TMTC2: variants seen among roughly 807,000 people sequenced by gnomAD.
TMTC2 encodes the protein transmembrane O-mannosyltransferase targeting cadherins 2.
A neutral mutation model predicts 82.4 loss-of-function variants in TMTC2; 43 were observed. That is an observed-to-expected ratio of 0.52 (90% CI 0.41 to 0.67). The LOEUF is 0.67. Among genes scored for constraint, TMTC2 ranks in the 30% least tolerant of loss-of-function variants. The pLI is 0.00. For missense variants in TMTC2, 919 were observed against 1,012.4 expected (o/e 0.91, Z 1.25); for synonymous variants, 408 against 381.9 (o/e 1.07, Z -0.80).
intron 2 of TMTC2, among the ~76,000 whole-genome samples, chr12:82,889,169 C>T (rs773686992): frequency 1.5e-4 from 23 of 150,856 alleles, no homozygotes; most frequent in Non-Finnish European, 2.5e-4. Context: ...CCCAGCTACT[C>T]GAGAGGCTGA....
At position 82,977,947 on chromosome 12, in the gene TMTC2, T is replaced by A. The variant is rs368229253; in HGVS notation, c.1949-7978T>A. Among the ~76,000 whole-genome samples the A allele has an allele frequency of 9.2e-5, 14 of 151,846 alleles. No individual in the cohort carries two copies. The South Asian group carries it at 2.3e-3, about 25-fold the overall frequency. Reference sequence around the variant, plus strand: ...AACAAAACACTGGAAGGAACCTAGATGCTTAAAACTAGCAAAATATTTTAC... The same window carrying A: ...AACAAAACACTGGAAGGAACCTAGAAGCTTAAAACTAGCAAAATATTTTAC... On this transcript the variant is annotated intron_variant, in intron 7 of 11. Transcript: ENST00000321196.
At chr12:82,747,370 G>A (rs1875745254) in intron 1 of TMTC2, among the ~76,000 whole-genome samples, 1 of 152,190 alleles carries the variant, frequency 6.6e-6, no homozygotes, top group Non-Finnish European at 1.5e-5. Context: ...GATCTGGCTA[G>A]TGGCAGAGCT....
chr12:82,858,099 G>A lies in TMTC2; in HGVS notation c.654+519G>A, dbSNP rs562047935. On this transcript the variant is annotated intron_variant, in intron 2 of 11. Transcript: ENST00000321196. ...TCATACTCACCTTTTTCTCGTGATAGTGCATAAGAATAGAAAAGTCAAAAC... is the reference window on the plus strand; with the variant it reads ...TCATACTCACCTTTTTCTCGTGATAATGCATAAGAATAGAAAAGTCAAAAC... 2.0e-5 allele frequency among the ~76,000 whole-genome samples: 3 copies of A among 152,282 alleles called. No homozygotes were observed. The East Asian group carries it at 5.8e-4, about 29-fold the overall frequency.
chr12:82,794,252 C>G (rs1429076349), intron 1 of TMTC2, among the ~76,000 whole-genome samples: 2 of 152,120 alleles, frequency 1.3e-5, no homozygotes, highest in Admixed American at 1.3e-4. Context: ...TCCCCTCATC[C>G]TTTGTCCTTC....
chr12:82,914,817 ATTT>A (rs71068958), intron 3 of TMTC2, among the ~76,000 whole-genome samples: 7,807 of 85,800 alleles, frequency 0.091, 274 homozygotes, highest in African/African-American at 0.26. Context: ...CAACTCACTT[ATTT>A]TTTTTTTTTT....
intron 7 of TMTC2, among the ~76,000 whole-genome samples, chr12:82,976,278 T>C (rs1878669933): frequency 6.6e-6 from 1 of 152,180 alleles, no homozygotes; most frequent in African/African-American, 2.4e-5. Flanking sequence ...CTTCTGGCTT[T>C]TTTTCAAGTT....
At chr12:82,987,869 G>T (rs1879227736) in intron 8 of TMTC2, among the ~76,000 whole-genome samples, 1 of 152,076 alleles carries the variant, frequency 6.6e-6, no homozygotes, top group South Asian at 2.1e-4. Context: ...GGATCTGGAT[G>T]GGGAGTGAAC....
At chr12:82,831,047 G>A (rs887881852) in intron 1 of TMTC2, among the ~76,000 whole-genome samples, 6 of 152,148 alleles carry the variant, frequency 3.9e-5, no homozygotes, top group African/African-American at 1.4e-4. Flanking sequence ...GAGAAAACAT[G>A]GTTGAAATAA....
At chr12:82,997,221 C>CTCTCTCTCTCTCTCTCTATA (rs1451262969) in intron 8 of TMTC2, among the ~76,000 whole-genome samples, 3 of 118,548 alleles carry the variant, frequency 2.5e-5, no homozygotes, top group African/African-American at 1.1e-4. Context: ...CTCTCTCTCT[C>CTCTCTCTCTCTCTCTCTATA]TATATATATA....
chr12:82,954,045 CTATT>C (rs1877485160), intron 4 of TMTC2, among the ~76,000 whole-genome samples: 1 of 152,084 alleles, frequency 6.6e-6, no homozygotes, highest in South Asian at 2.1e-4. Context: ...AATAGCCAGA[CTATT>C]TATTACTGAA....
At chr12:82,699,730 T>G (rs2136896783) in intron 1 of TMTC2, among the ~76,000 whole-genome samples, 1 of 152,216 alleles carries the variant, frequency 6.6e-6, no homozygotes. Flanking sequence ...AAAAAATGTC[T>G]TTCAGAGTTT....
chr12:82,843,167 A>C (rs1165324515), intron 1 of TMTC2, among the ~76,000 whole-genome samples: 1 of 151,918 alleles, frequency 6.6e-6, no homozygotes, highest in Non-Finnish European at 1.5e-5. Flanking sequence ...GCTCACTGCA[A>C]TCTCTGCCTC....
At chr12:83,013,859 T>G (rs967259262) in intron 8 of TMTC2, among the ~76,000 whole-genome samples, 3 of 152,190 alleles carry the variant, frequency 2.0e-5, no homozygotes, top group African/African-American at 7.2e-5. Context: ...GAAGAGACAG[T>G]GGACCTTTTG....
intron 7 of TMTC2, among the ~76,000 whole-genome samples, chr12:82,971,747 G>C (rs1878454560): frequency 6.6e-6 from 1 of 151,244 alleles, no homozygotes; most frequent in African/African-American, 2.4e-5. Context: ...GAGTAAGAGA[G>C]AGCCTAGGGT....
At chr12:83,062,062 C>G (rs552796284) in intron 11 of TMTC2, among the ~76,000 whole-genome samples, 1 of 151,776 alleles carries the variant, frequency 6.6e-6, no homozygotes. Context: ...TTGCTGTCTT[C>G]TAGCCTGTAT....
intron 2 of TMTC2, among the ~76,000 whole-genome samples, chr12:82,871,427 A>C (rs1872171823): frequency 6.6e-6 from 1 of 151,512 alleles, no homozygotes; most frequent in African/African-American, 2.4e-5. Context: ...AGTAGCTTTG[A>C]ATACAAATAA....
At chr12:83,072,937 T>C (rs1432110824) in intron 11 of TMTC2, among the ~76,000 whole-genome samples, 1 of 152,196 alleles carries the variant, frequency 6.6e-6, no homozygotes, top group Non-Finnish European at 1.5e-5. Flanking sequence ...TGAGTTCTTA[T>C]CCATTCTGTG....
At chr12:83,093,762 A>G (rs971244937) in intron 11 of TMTC2, among the ~76,000 whole-genome samples, 8 of 152,192 alleles carry the variant, frequency 5.3e-5, no homozygotes, top group African/African-American at 1.9e-4. Context: ...AAAGATGAAG[A>G]TGAATTTTTT....
At chr12:82,788,184 T>G (rs1193172621) in intron 1 of TMTC2, among the ~76,000 whole-genome samples, 1 of 152,084 alleles carries the variant, frequency 6.6e-6, no homozygotes, top group East Asian at 1.9e-4. Flanking sequence ...AATAAAAATA[T>G]GTATTATTTT....
Sources: gnomAD v4.1 joint callset for allele counts (sites outside exome capture counted in the v4.1 genomes callset) on GRCh38, gnomAD v4.1.1 for gene constraint, MANE v1.5 for transcripts, NCBI Gene and HGNC (gene_info 2026-07-23, HGNC 2026-07-21) for gene names.